The following CLYBL variants were observed in gnomAD, a reference collection of about 807,000 sequenced individuals.
CLYBL encodes the protein citramalyl-CoA lyase, mitochondrial.
Under a neutral mutation model 38.9 loss-of-function variants are expected in CLYBL, and 31 were observed. The ratio of observed to expected loss-of-function variants is 0.80; its 90% CI spans 0.60 to 1.08. The LOEUF is 1.08. CLYBL is among the 50% of genes least tolerant of loss of function. The pLI is 0.00. For missense variants in CLYBL, 434 were observed against 411.6 expected (o/e 1.05, Z -0.47); for synonymous variants, 171 against 158.6 (o/e 1.08, Z -0.59).
chr13:99,717,126 A>G (rs920022036), intron 1 of CLYBL, among the ~76,000 whole-genome samples: 2 of 151,618 alleles, frequency 1.3e-5, no homozygotes, highest in Non-Finnish European at 2.9e-5. Context: ...TGTATAAGAT[A>G]TGAATTATCT....
intron 1 of CLYBL, chr13:99,727,617 T>G (rs150791854): frequency 1.3e-5 from 2 of 151,800 alleles, no homozygotes; most frequent in African/African-American, 4.8e-5. Flanking sequence ...AAATGAGCCA[T>G]TTTCTTTGAG....
At chr13:99,747,947 TACATA>T (rs2048883426) in intron 1 of CLYBL, among the ~76,000 whole-genome samples, 2 of 152,192 alleles carry the variant, frequency 1.3e-5, no homozygotes, top group African/African-American at 4.8e-5. Context: ...TGGTAAAATA[TACATA>T]ACATAAAATG....
At chr13:99,701,835 C>T (rs564050302) in intron 1 of CLYBL, among the ~76,000 whole-genome samples, 30 of 152,114 alleles carry the variant, frequency 2.0e-4, no homozygotes, top group African/African-American at 6.5e-4. Flanking sequence ...CCACCTTGCA[C>T]GGCTAATTTT....
chr13:99,686,427 A>G (rs1213732683), intron 1 of CLYBL, among the ~76,000 whole-genome samples: 2 of 152,254 alleles, frequency 1.3e-5, no homozygotes, highest in African/African-American at 4.8e-5. Context: ...TAGCAGAAAC[A>G]TCTTTGGAGT....
chr13:99,742,790 C>A (rs1228503751), intron 1 of CLYBL, among the ~76,000 whole-genome samples: 1 of 152,002 alleles, frequency 6.6e-6, no homozygotes, highest in Non-Finnish European at 1.5e-5. Context: ...TTGAAGAGAC[C>A]CAGCCAATAT....
intron 2 of CLYBL, among the ~76,000 whole-genome samples, chr13:99,825,888 C>T (rs2050685509): frequency 6.6e-6 from 1 of 152,194 alleles, no homozygotes; most frequent in African/African-American, 2.4e-5. Flanking sequence ...GTTTGCCTCC[C>T]AGTCCCCTCT....
At chr13:99,670,769 A>C (rs184023044) in intron 1 of CLYBL, among the ~76,000 whole-genome samples, 4 of 152,232 alleles carry the variant, frequency 2.6e-5, no homozygotes, top group African/African-American at 9.6e-5. Context: ...CCCTCCACCC[A>C]TGGGAGGTCT....
At chr13:99,809,876 A>C (rs1000794763) in intron 2 of CLYBL, among the ~76,000 whole-genome samples, 2 of 152,200 alleles carry the variant, frequency 1.3e-5, no homozygotes, top group African/African-American at 4.8e-5. Context: ...GGAGAGAAAC[A>C]TGAAGCTGGA....
At chr13:99,891,535 T>A (rs2052489736) in intron 8 of CLYBL, 98 bp downstream of exon 8, 4 of 630,320 alleles carry the variant, frequency 6.3e-6, no homozygotes, top group Non-Finnish European at 1.1e-5. Flanking sequence ...CATTTACAGT[T>A]CATGTTAATC....
intron 2 of CLYBL, among the ~76,000 whole-genome samples, chr13:99,845,853 G>A (rs558470757): frequency 5.5e-4 from 83 of 151,876 alleles, no homozygotes; most frequent in African/African-American, 1.6e-3. Flanking sequence ...CTTCTCCTTC[G>A]TTTTCTGGTT....
chr13:99,618,717 C>T (rs1295832731), intron 1 of CLYBL, among the ~76,000 whole-genome samples: 2 of 152,136 alleles, frequency 1.3e-5, no homozygotes, highest in Non-Finnish European at 2.9e-5. Context: ...CTGTTCCCTT[C>T]CCCCCACCCA....
intron 2 of CLYBL, chr13:99,784,025 G>A (rs537254148): frequency 6.6e-6 from 1 of 152,076 alleles, no homozygotes; most frequent in East Asian, 1.9e-4. Context: ...TCTTACTTAT[G>A]GCATGAACCC....
At chr13:99,700,988 C>A (rs2139458254) in intron 1 of CLYBL, among the ~76,000 whole-genome samples, 1 of 152,250 alleles carries the variant, frequency 6.6e-6, no homozygotes, top group South Asian at 2.1e-4. Context: ...CCTCTCCACT[C>A]AGAGGAAGTT....
At chr13:99,871,914 C>T (rs1248913745) in intron 7 of CLYBL, among the ~76,000 whole-genome samples, 1 of 151,076 alleles carries the variant, frequency 6.6e-6, no homozygotes, top group Non-Finnish European at 1.5e-5. Context: ...AGTTTTGATA[C>T]CTATAATGCA....
chr13:99,882,902 C>A (rs900891170), intron 7 of CLYBL, among the ~76,000 whole-genome samples: 1 of 152,020 alleles, frequency 6.6e-6, no homozygotes, highest in Non-Finnish European at 1.5e-5. Context: ...CTTCCCCTGG[C>A]GCCCAGAAAG....
chr13:99,844,154 T>G (rs1264538167), intron 2 of CLYBL, among the ~76,000 whole-genome samples: 1 of 152,112 alleles, frequency 6.6e-6, no homozygotes, highest in Non-Finnish European at 1.5e-5. Context: ...GGCTATCGGG[T>G]AACTCACCGA....
downstream of CLYBL, among the ~76,000 whole-genome samples, chr13:99,901,645 GTT>G (rs57853480): frequency 7.9e-6 from 1 of 127,196 alleles, no homozygotes; most frequent in Admixed American, 7.7e-5. Flanking sequence ...GGATTTTTTT[GTT>G]TTTTTTTTTT....
At chr13:99,807,965 T>C (rs9513669) in intron 2 of CLYBL, among the ~76,000 whole-genome samples, 1 of 152,176 alleles carries the variant, frequency 6.6e-6, no homozygotes, top group Non-Finnish European at 1.5e-5. Flanking sequence ...TAGGATAGAT[T>C]GTAGTTTAGA....
intron 6 of CLYBL, among the ~76,000 whole-genome samples, chr13:99,867,348 A>G (rs920131061): frequency 2.0e-5 from 3 of 152,248 alleles, no homozygotes; most frequent in Non-Finnish European, 4.4e-5. Flanking sequence ...TTCATAAAGC[A>G]GGCTTAAACG....
Sources: gnomAD v4.1 joint callset for allele counts (sites outside exome capture counted in the v4.1 genomes callset) on GRCh38, gnomAD v4.1.1 for gene constraint, MANE v1.5 for transcripts, NCBI Gene and HGNC (gene_info 2026-07-23, HGNC 2026-07-21) for gene names.